Variants in SPEG observed in about 807,000 individuals in gnomAD.
The protein encoded by SPEG is striated muscle preferentially expressed protein kinase.
Under a neutral mutation model 300.4 loss-of-function variants are expected in SPEG, and 114 were observed. That is an observed-to-expected ratio of 0.38 (90% CI 0.33 to 0.44). The LOEUF is 0.44. Ranked by LOEUF, SPEG falls within the 20% of genes least tolerant of loss-of-function variation. The pLI is 1.00. For missense variants in SPEG, 4,201 were observed against 4,586.2 expected (o/e 0.92, Z 2.43); for synonymous variants, 1,964 against 2,018.9 (o/e 0.97, Z 0.73).
chr2:219,440,050 G>C (rs994097216), intron 1 of SPEG, among the ~76,000 whole-genome samples: 3 of 152,190 alleles, frequency 2.0e-5, no homozygotes, highest in Non-Finnish European at 4.4e-5. Context: ...AAGAACACCT[G>C]TATGCACCCA....
At chr2:219,461,167 C>G in intron 6 of SPEG, 4 of 957,696 alleles carry the variant, frequency 4.2e-6, no homozygotes, top group Non-Finnish European at 5.0e-6. Flanking sequence ...GGGGACACCC[C>G]TCCCCCAAGG....
At chr2:219,440,347 C>T (rs1001342335) in intron 1 of SPEG, among the ~76,000 whole-genome samples, 15 of 151,886 alleles carry the variant, frequency 9.9e-5, no homozygotes, top group African/African-American at 3.4e-4. Flanking sequence ...ATGATGGCAC[C>T]GCTGCACTCT....
intron 11 of SPEG, 47 bp from the exon 12 acceptor site, chr2:219,468,812 G>C: frequency 6.2e-7 from 1 of 1,607,128 alleles, no homozygotes; most frequent in Non-Finnish European, 8.5e-7. Context: ...CAGAGGGCAG[G>C]GCCCCTCACT....
Position 219,492,892 on chromosome 2 carries a change from C to A in SPEG, c.*106C>A. The A allele has an allele frequency of 8.8e-7, 1 of 1,140,054 alleles. No homozygotes were observed. Among genetic ancestry groups the A allele is most frequent in the Non-Finnish European group, 1.3e-6 (1 of 787,202 alleles). 70.6% of individuals were successfully genotyped at this position (1,140,054 alleles called of 1,614,324 possible). On this transcript the variant is annotated 3_prime_UTR_variant, in exon 41 of 41. Coordinates refer to ENST00000312358, the MANE Select transcript of SPEG (RefSeq NM_005876.5). ...CCAGGCGGGCCTGGGGCTTCGGTTACCACCAGCAGCAACATCTGGCTGGGC... is the reference window on the plus strand; with the variant it reads ...CCAGGCGGGCCTGGGGCTTCGGTTAACACCAGCAGCAACATCTGGCTGGGC...
Position 219,483,126 on chromosome 2 carries a change from T to A in SPEG, c.5663T>A (p.Leu1888Gln). The A allele has an allele frequency of 6.2e-7, 1 of 1,608,488 alleles. No individual in the cohort carries two copies. Among genetic ancestry groups the A allele is most frequent in the African/African-American group, 1.3e-5 (1 of 75,004 alleles). Reference sequence around the variant, plus strand: ...TCCCAGATCAGCTACAAATGCCACCTGGTGCTGCGCCCCATCCCCGAGCTG... The same window carrying A: ...TCCCAGATCAGCTACAAATGCCACCAGGTGCTGCGCCCCATCCCCGAGCTG... ...QRSQISYKCH[L>Q]VLRPIPELLR... The change falls in exon 30 of 41, where the codon CTG (leucine) becomes CAG (glutamine). Residue 1888 changes from leucine (L) to glutamine (Q), a missense_variant. Leu to Gln is a moderately radical substitution (Grantham distance 113, BLOSUM62 -2). Around this residue, in one of 4 missense-constraint regions of SPEG, gnomAD observed 1,578 missense variants for 1,506.0 expected, o/e 1.05. Transcript: ENST00000312358.
In SPEG at chr2:219,483,630, G is replaced by A. The variant is rs949570293; in HGVS notation, c.6167G>A (p.Gly2056Glu). Reference sequence around the variant, plus strand: ...CCGGGAGCCACCCGCCTGGCCCGGGGAGGCCTGGGTGAGGGCGAGTATGCC... The same window carrying A: ...CCGGGAGCCACCCGCCTGGCCCGGGAAGGCCTGGGTGAGGGCGAGTATGCC... ...PSPGATRLAR[G>E]GLGEGEYAQR... The change falls in exon 30 of 41, where the codon GGA becomes GAA. Residue 2056 changes from glycine to glutamate, a missense_variant. Around this residue, in one of 4 missense-constraint regions of SPEG, gnomAD observed 1,578 missense variants for 1,506.0 expected, o/e 1.05. Transcript: ENST00000312358. 1 of 1,515,758 alleles carries A rather than the reference G, an allele frequency of 6.6e-7. No individual in the cohort carries two copies. Among genetic ancestry groups the A allele is most frequent in the South Asian group, 1.2e-5 (1 of 82,558 alleles). The allele number at this position is 1,515,758 out of a possible 1,614,324, so 93.9% of individuals were successfully genotyped here.
chr2:219,467,154 C>G lies in SPEG; in HGVS notation c.2882-20C>G. On this transcript the variant is annotated intron_variant, in intron 9 of 40. Coordinates refer to ENST00000312358, the MANE Select transcript of SPEG (RefSeq NM_005876.5). Reference sequence around the variant, plus strand: ...GTGTCTCTGCTCTGTGCGTGGCCCCCGTGGCTGCTTTCCCCTCAGCACACC... The same window carrying G: ...GTGTCTCTGCTCTGTGCGTGGCCCCGGTGGCTGCTTTCCCCTCAGCACACC... 6.4e-7 allele frequency: 1 copy of G among 1,557,458 alleles called. No homozygotes were observed. The highest frequency in any genetic ancestry group is 2.3e-5 in the East Asian group (1 of 44,338).
At chr2:219,488,170 T>A in intron 31 of SPEG, 24 bp from the exon 32 acceptor site, 1 of 1,549,426 alleles carries the variant, frequency 6.5e-7, no homozygotes, top group Non-Finnish European at 8.9e-7. Flanking sequence ...TACAGATAGA[T>A]GGCTGTCTCT....
In SPEG at chr2:219,491,958, C is replaced by T. The variant is rs1694014607; in HGVS notation, c.9461+89C>T. 2.9e-6 allele frequency: 4 copies of T among 1,369,250 alleles called. No homozygotes were observed. In the East Asian group the frequency reaches 9.7e-5, roughly 33 times the overall value. 84.8% of individuals were successfully genotyped at this position (1,369,250 alleles called of 1,614,324 possible). A position where few individuals can be genotyped will look rare whatever the true frequency, so the allele number is the denominator to read the frequency against. ...CTGCCAACACCCTCTCCCCCGTGCC[C>T]CACCTCCCCTGTACACACATCCACA... On this transcript the variant is annotated intron_variant, in intron 39 of 40. Coordinates refer to ENST00000312358, the MANE Select transcript of SPEG (RefSeq NM_005876.5).
chr2:219,446,003 A>G, intron 3 of SPEG, among the ~76,000 whole-genome samples: 1 of 132,998 alleles, frequency 7.5e-6, no homozygotes, highest in East Asian at 2.2e-4. Context: ...CTGAGAATAG[A>G]GGGACTAGGG....
intron 13 of SPEG, among the ~76,000 whole-genome samples, chr2:219,470,753 G>A (rs762548280): frequency 6.0e-5 from 9 of 150,664 alleles, no homozygotes; most frequent in Non-Finnish European, 1.2e-4. Flanking sequence ...GAATCACATG[G>A]TACCAAGGTC....
At chr2:219,453,237 T>G (rs1689907925) in intron 6 of SPEG, among the ~76,000 whole-genome samples, 1 of 152,208 alleles carries the variant, frequency 6.6e-6, no homozygotes, top group African/African-American at 2.4e-5. Context: ...CTTTTATGGT[T>G]GGAAAGGCAG....
chr2:219,492,062 G>T (rs771915685), intron 39 of SPEG, 49 bp from the exon 40 acceptor site: 2 of 1,575,154 alleles, frequency 1.3e-6, no homozygotes, highest in South Asian at 2.3e-5. Context: ...CTGGGTCTGG[G>T]TGTTGGCCTC....
chr2:219,477,192 C>A lies in SPEG; in HGVS notation c.4561-85C>A. 3.4e-6 allele frequency: 1 copy of A among 297,904 alleles called. No individual in the cohort carries two copies. Among genetic ancestry groups the A allele is most frequent in the Non-Finnish European group, 6.2e-6 (1 of 160,434 alleles). The allele number at this position is 297,904 out of a possible 1,614,324, so 18.5% of individuals were successfully genotyped here. ...TGACTCTGGGTCCTGGTGAGAGATG[C>A]GCTGCCCAGAGTAGGAGATGAGGCC... On this transcript the variant is annotated intron_variant, in intron 19 of 40. Coordinates refer to ENST00000312358, the MANE Select transcript of SPEG (RefSeq NM_005876.5). This position sits in a 1 kb window ranked among gnomAD's most constrained non-coding sequence, Gnocchi z 6.4.
intron 34 of SPEG, 34 bp downstream of exon 34, chr2:219,488,934 G>T (rs767857405): frequency 4.4e-6 from 7 of 1,583,672 alleles, no homozygotes; most frequent in Non-Finnish European, 6.0e-6. Flanking sequence ...TTGGGGGAGC[G>T]GCAGGGGGAG....
chr2:219,436,858 C>A (rs528789179), intron 1 of SPEG, among the ~76,000 whole-genome samples: 2 of 152,074 alleles, frequency 1.3e-5, no homozygotes, highest in Non-Finnish European at 2.9e-5. Context: ...CAGCTCTGGT[C>A]CCCCCAGGGG....
At position 219,473,982 on chromosome 2, in the gene SPEG, G is replaced by C; in HGVS notation, c.4447+79G>C. ...ACTCACACCCCCAGGTACACAACCT[G>C]CCTGACACTGCTGCAGATCCAAACC... On this transcript the variant is annotated intron_variant, in intron 18 of 40. Coordinates refer to ENST00000312358, the MANE Select transcript of SPEG (RefSeq NM_005876.5). The surrounding 1 kb of genome is among the most constrained non-coding windows in gnomAD (Gnocchi z 4.6). The C allele has an allele frequency of 6.9e-7, 1 of 1,454,818 alleles. No homozygotes were observed. The highest frequency in any genetic ancestry group is 9.3e-7 in the Non-Finnish European group (1 of 1,078,320). The allele number at this position is 1,454,818 out of a possible 1,614,324, so 90.1% of individuals were successfully genotyped here.
intron 31 of SPEG, among the ~76,000 whole-genome samples, chr2:219,486,704 G>A (rs549869594): frequency 2.0e-5 from 3 of 152,236 alleles, no homozygotes; most frequent in South Asian, 2.1e-4. Flanking sequence ...GCTGTCCCAG[G>A]CTACTTTAAC....
intron 18 of SPEG, 145 bp downstream of exon 18, chr2:219,474,048 A>C: frequency 1.3e-6 from 1 of 741,540 alleles, no homozygotes; most frequent in Non-Finnish European, 2.1e-6. Context: ...TGGCTATACA[A>C]ATACCATATT....
Sources: allele counts gnomAD v4.1 joint callset (sites outside exome capture counted in the v4.1 genomes callset), GRCh38; gene constraint gnomAD v4.1.1; regional missense constraint gnomAD v4.1.1; non-coding constraint Gnocchi (gnomAD v3.1); transcripts MANE v1.5; gene names NCBI Gene and HGNC (gene_info 2026-07-23, HGNC 2026-07-21).